Variants in ACBD3 observed in about 807,000 individuals in gnomAD.
The protein encoded by ACBD3 is acyl-CoA binding domain containing 3.
In ACBD3, 30 loss-of-function variants were observed where a neutral mutation model predicts 66.9. That is an observed-to-expected ratio of 0.45 (90% CI 0.34 to 0.61). The LOEUF (loss-of-function observed/expected upper bound fraction) is 0.61, where lower values mean the gene tolerates loss of function less well. Among genes scored for constraint, ACBD3 ranks in the 20% least tolerant of loss-of-function variants. The pLI is 0.02. For synonymous variants in ACBD3, 278 were observed against 259.8 expected (o/e 1.07, Z -0.68); for missense variants, 544 against 664.5 (o/e 0.82, Z 1.99).
At chr1:226,164,725 A>C in intron 3 of ACBD3, 64 bp downstream of exon 3, 1 of 1,490,218 alleles carries the variant, frequency 6.7e-7, no homozygotes, top group Non-Finnish European at 8.9e-7. Flanking sequence ...GACACTCTAC[A>C]AAACAAAAGC....
intron 4 of ACBD3, among the ~76,000 whole-genome samples, chr1:226,160,594 A>G (rs1261629468): frequency 6.6e-6 from 1 of 152,240 alleles, no homozygotes; most frequent in African/African-American, 2.4e-5. Context: ...GTTTGAGGCT[A>G]GCACTAAACC....
At chr1:226,154,558 CA>C in intron 6 of ACBD3, 88 bp downstream of exon 6, 1 of 1,431,120 alleles carries the variant, frequency 7.0e-7, no homozygotes, top group Non-Finnish European at 9.4e-7. Context: ...TAATTGTTCT[CA>C]AAAGCTAATT....
At position 226,146,632 on chromosome 1, in the gene ACBD3, T is replaced by C. The variant is rs750852385; in HGVS notation, c.1565A>G (p.Tyr522Cys). 1.2e-6 allele frequency: 2 copies of C among 1,613,908 alleles called. No individual in the cohort carries two copies. Among genetic ancestry groups the C allele is most frequent in the Non-Finnish European group, 1.7e-6 (2 of 1,179,998 alleles). Reference sequence around the variant, plus strand: ...TTTTTATCTAGTATAATAGACTCTGTAGTAGACTGATTTTGACCGCCACAA... The same window carrying C: ...TTTTTATCTAGTATAATAGACTCTGCAGTAGACTGATTTTGACCGCCACAA... ...YSLWRSKSVY[Y>C]RVYYTR The change falls in exon 8 of 8, where the codon TAC (tyrosine) becomes TGC (cysteine). Residue 522 changes from tyrosine to cysteine, a missense_variant. Tyr to Cys is a radical substitution (Grantham distance 194, BLOSUM62 -2). This residue lies in a region of ACBD3 where 383 missense variants were observed against 462.4 expected (regional missense o/e 0.83). Transcript: ENST00000366812.
intron 1 of ACBD3, among the ~76,000 whole-genome samples, chr1:226,185,291 C>T (rs1394454390): frequency 6.6e-6 from 1 of 152,174 alleles, no homozygotes; most frequent in Non-Finnish European, 1.5e-5. Flanking sequence ...ATTTATAAAA[C>T]TTTCACTAGT....
In ACBD3 at chr1:226,154,572, A is replaced by AG. The variant is rs1479658695; in HGVS notation, c.1090+74_1090+75insC. 2.1e-5 allele frequency: 31 copies of AG among 1,486,814 alleles called. No individual in the cohort carries two copies. In the South Asian group the frequency reaches 3.6e-4, roughly 17 times the overall value. 92.1% of individuals were successfully genotyped at this position (1,486,814 alleles called of 1,614,324 possible). On this transcript the variant is annotated intron_variant, in intron 6 of 7. Transcript: ENST00000366812. Reference sequence around the variant, plus strand: ...GTAATTGTTCTCAAAAGCTAATTATAACCTGACTTCATGACTTTTGCCTTT... The same window carrying AG: ...GTAATTGTTCTCAAAAGCTAATTATAGACCTGACTTCATGACTTTTGCCTTT...
chr1:226,146,290 G>A lies in ACBD3; in HGVS notation c.*320C>T, dbSNP rs370920639. 7.6e-4 allele frequency: 180 copies of A among 238,132 alleles called. No homozygotes were observed. Among genetic ancestry groups the A allele is most frequent in the African/African-American group, 3.5e-3 (151 of 43,584 alleles). The allele number at this position is 238,132 out of a possible 1,614,324, so 14.8% of individuals were successfully genotyped here. On this transcript the variant is annotated 3_prime_UTR_variant, in exon 8 of 8. Coordinates refer to ENST00000366812, the MANE Select transcript of ACBD3 (RefSeq NM_022735.4). ...GGCAGCAAGGGGCTAACCATCAGCC[G>A]GGTAAGGTCAACGTTGGGGTGTTTT...
intron 5 of ACBD3, among the ~76,000 whole-genome samples, chr1:226,158,963 C>T (rs1040958908): frequency 2.0e-5 from 3 of 152,214 alleles, no homozygotes; most frequent in Admixed American, 2.0e-4. Flanking sequence ...TCCCAAATAC[C>T]CTTATGACAA....
intron 4 of ACBD3, among the ~76,000 whole-genome samples, chr1:226,161,145 C>CTTTT (rs1659765007): frequency 1.6e-5 from 1 of 63,486 alleles, no homozygotes; most frequent in African/African-American, 7.1e-5. Flanking sequence ...CTAATACATT[C>CTTTT]CTTTTTTTTT....
At chr1:226,149,529 C>CT (rs1170130229) in intron 7 of ACBD3, among the ~76,000 whole-genome samples, 3,273 of 29,468 alleles carry the variant, frequency 0.11, 1,118 homozygotes, top group Non-Finnish European at 0.14. Flanking sequence ...GCCCAGCCAT[C>CT]TTTTTTTTTT....
intron 1 of ACBD3, among the ~76,000 whole-genome samples, chr1:226,180,228 G>GA (rs1656142044): frequency 6.6e-6 from 1 of 150,788 alleles, no homozygotes; most frequent in Non-Finnish European, 1.5e-5. Flanking sequence ...CAATGAGTAG[G>GA]AAACACTCTG....
At chr1:226,179,725 G>A (rs775261815) in intron 1 of ACBD3, among the ~76,000 whole-genome samples, 3 of 152,096 alleles carry the variant, frequency 2.0e-5, no homozygotes, top group South Asian at 2.1e-4. Flanking sequence ...GGGTGTGGTG[G>A]TGCACACCTG....
rs556844917 is a variant in ACBD3 at position 226,177,747 on chromosome 1, A to AT, written c.286+8642dup. Among the ~76,000 whole-genome samples the AT allele has an allele frequency of 0.016, 2,252 of 139,540 alleles. 120 individuals carry two copies. The East Asian group carries it at 0.2, about 12-fold the overall frequency. 91.5% of individuals were successfully genotyped at this position (139,540 alleles called of 152,430 possible). On this transcript the variant is annotated intron_variant, in intron 1 of 7. Coordinates refer to ENST00000366812, the MANE Select transcript of ACBD3 (RefSeq NM_022735.4). Reference sequence around the variant, plus strand: ...TTAGTATGAGTTGTTTTGAGCCACTATTTTTTTTTTTTTTTAGACAGGGTC... The same window carrying AT: ...TTAGTATGAGTTGTTTTGAGCCACTATTTTTTTTTTTTTTTTAGACAGGGTC...
rs749820648 is a variant in ACBD3 at position 226,145,328 on chromosome 1, G to T, written c.*1282C>A. The T allele has an allele frequency of 2.0e-5, 3 of 152,456 alleles. No homozygotes were observed. The highest frequency in any genetic ancestry group is 6.6e-5 in the Admixed American group (1 of 15,258). The allele number at this position is 152,456 out of a possible 1,614,324, so 9.4% of individuals were successfully genotyped here. A position where few individuals can be genotyped will look rare whatever the true frequency, so the allele number is the denominator to read the frequency against. On this transcript the variant is annotated 3_prime_UTR_variant, in exon 8 of 8. Transcript: ENST00000366812. ...AACCCTCCTACAAGAAGTGATTTAGGATTTGAAATTTTAAAAATCTAAGTA... is the reference window on the plus strand; with the variant it reads ...AACCCTCCTACAAGAAGTGATTTAGTATTTGAAATTTTAAAAATCTAAGTA...
intron 1 of ACBD3, among the ~76,000 whole-genome samples, chr1:226,168,950 T>C (rs1238675863): frequency 6.6e-6 from 1 of 151,932 alleles, no homozygotes; most frequent in African/African-American, 2.4e-5. Flanking sequence ...GCAGCTTCCG[T>C]CTCTTGGGTT....
intron 6 of ACBD3, among the ~76,000 whole-genome samples, chr1:226,152,964 G>C (rs535786338): frequency 1.3e-5 from 2 of 152,242 alleles, no homozygotes; most frequent in Non-Finnish European, 2.9e-5. Context: ...GCAAGGAAGA[G>C]AGATTCTGGC....
intron 4 of ACBD3, among the ~76,000 whole-genome samples, chr1:226,161,146 C>CT (rs369852670): frequency 3.7e-4 from 50 of 134,246 alleles, no homozygotes; most frequent in South Asian, 9.2e-4. Context: ...TAATACATTC[C>CT]TTTTTTTTTT....
intron 1 of ACBD3, among the ~76,000 whole-genome samples, chr1:226,177,172 T>G (rs1465974384): frequency 2.6e-5 from 4 of 151,660 alleles, no homozygotes; most frequent in Non-Finnish European, 5.9e-5. Context: ...CTGTTTTTTT[T>G]TTTTTTTTTT....
intron 5 of ACBD3, among the ~76,000 whole-genome samples, chr1:226,157,998 A>G (rs1463126610): frequency 6.6e-6 from 1 of 152,250 alleles, no homozygotes; most frequent in East Asian, 1.9e-4. Flanking sequence ...AATGGAAGTG[A>G]AACTAAAGTA....
chr1:226,155,681 T>C (rs186622326), intron 5 of ACBD3, among the ~76,000 whole-genome samples: 36 of 152,230 alleles, frequency 2.4e-4, no homozygotes, highest in Admixed American at 5.9e-4. Context: ...TATTCTAACA[T>C]AATTGACCCC....
Sources: allele counts gnomAD v4.1 joint callset (sites outside exome capture counted in the v4.1 genomes callset), GRCh38; gene constraint gnomAD v4.1.1; regional missense constraint gnomAD v4.1.1; transcripts MANE v1.5; gene names NCBI Gene and HGNC (gene_info 2026-07-23, HGNC 2026-07-21).